The following NHSL2 variants were observed in gnomAD, a reference collection of about 807,000 sequenced individuals.
NHSL2 encodes the protein NHS-like protein 2.
A neutral mutation model predicts 53.4 loss-of-function variants in NHSL2; 27 were observed. The observed-to-expected ratio is 0.51, with a 90% CI of 0.37 to 0.70. NHSL2 has a LOEUF of 0.70. Among genes scored for constraint, NHSL2 ranks in the 30% least tolerant of loss-of-function variants. The pLI is 0.00. For synonymous variants in NHSL2, 408 were observed against 404.1 expected (o/e 1.01, Z -0.12); for missense variants, 892 against 980.1 (o/e 0.91, Z 1.20).
rs1166829375 is a variant in NHSL2 at position 72,150,344 on chromosome X, T to C, written c.*6770T>C. The C allele has an allele frequency of 8.9e-6, 1 of 112,553 alleles. No individual in the cohort carries two copies. The highest frequency in any genetic ancestry group is 3.2e-5 in the African/African-American group (1 of 31,006). The allele number at this position is 112,553 out of a possible 1,213,427, so 9.3% of individuals were successfully genotyped here. A position where few individuals can be genotyped will look rare whatever the true frequency, so the allele number is the denominator to read the frequency against. ...TCTTGTCATTGTCCCATAATGTCTC[T>C]ACTTTTTTTAGTGCAAACTTTTGTA... is the stretch of plus-strand genomic sequence containing the variant. On this transcript the variant is annotated 3_prime_UTR_variant, in exon 8 of 8. Coordinates refer to ENST00000633930, the MANE Select transcript of NHSL2 (RefSeq NM_001013627.3).
chrX:71,998,286 A>G (rs1446769356), intron 1 of NHSL2, among the ~76,000 whole-genome samples: 4 of 112,492 alleles, frequency 3.6e-5, no homozygotes, highest in Non-Finnish European at 7.5e-5. Flanking sequence ...GTAAAGATCT[A>G]AAAAGCACTT....
At chrX:71,969,195 T>C (rs1294479948) in intron 1 of NHSL2, among the ~76,000 whole-genome samples, 1 of 111,965 alleles carries the variant, frequency 8.9e-6, no homozygotes, top group Non-Finnish European at 1.9e-5. Flanking sequence ...TCTTTTAAGA[T>C]TTTTTCAACC....
At chrX:72,103,002 C>T (rs1447850600) in intron 1 of NHSL2, among the ~76,000 whole-genome samples, 2 of 112,437 alleles carry the variant, frequency 1.8e-5, no homozygotes, top group Non-Finnish European at 3.8e-5. Context: ...GCTCCAGTAG[C>T]AAAGCAGAGG....
At chrX:71,943,739 T>G in intron 1 of NHSL2, among the ~76,000 whole-genome samples, 1 of 112,703 alleles carries the variant, frequency 8.9e-6, no homozygotes. Context: ...GCAAGGCATA[T>G]GGGAGGTATA....
At chrX:72,040,124 A>G (rs1463924145) in intron 1 of NHSL2, among the ~76,000 whole-genome samples, 1 of 111,799 alleles carries the variant, frequency 8.9e-6, no homozygotes, top group Non-Finnish European at 1.9e-5. Context: ...CGAGGAATTG[A>G]GTTTATCTCT....
Position 72,139,083 on chromosome X carries a change from A to G in NHSL2, c.1535A>G (p.Tyr512Cys). 8.5e-7 allele frequency: 1 copy of G among 1,169,996 alleles called. No individual in the cohort carries two copies. Residue 512 changes from tyrosine (Y) to cysteine (C), a missense_variant, in exon 6 of 8, where the codon TAT (tyrosine) becomes TGT (cysteine). Transcript: ENST00000633930. Reference protein sequence around the residue: ...PTDSGTTDVDYDEEQKANEAC... With the variant: ...PTDSGTTDVDCDEEQKANEAC... Reference sequence around the variant, plus strand: ...GACTCAGGCACCACAGATGTGGACTATGATGAGGAGCAGAAGGCCAATGAG... The same window carrying G: ...GACTCAGGCACCACAGATGTGGACTGTGATGAGGAGCAGAAGGCCAATGAG...
intron 1 of NHSL2, among the ~76,000 whole-genome samples, chrX:72,124,268 C>T (rs956053185): frequency 1.8e-5 from 2 of 110,825 alleles, no homozygotes; most frequent in East Asian, 2.8e-4. Context: ...CCTGGTTTCT[C>T]GGGGGCAGAA....
intron 1 of NHSL2, among the ~76,000 whole-genome samples, chrX:72,048,067 G>C (rs2042314727): frequency 3.2e-5 from 1 of 31,377 alleles, no homozygotes; most frequent in Non-Finnish European, 8.4e-5. Flanking sequence ...TCACACTCAT[G>C]ATGATAACAA....
chrX:72,019,006 T>G (rs1425416894), intron 1 of NHSL2, among the ~76,000 whole-genome samples: 1 of 112,667 alleles, frequency 8.9e-6, no homozygotes, highest in East Asian at 2.8e-4. Context: ...CCAGTCTTGA[T>G]CGCCCCAAGC....
At chrX:72,058,662 G>A (rs977236455) in intron 1 of NHSL2, among the ~76,000 whole-genome samples, 3 of 112,361 alleles carry the variant, frequency 2.7e-5, no homozygotes, top group East Asian at 5.6e-4. Context: ...GTTCTTAAAG[G>A]CTTTCTCTGC....
intron 1 of NHSL2, chrX:72,131,561 T>G (rs754503124): frequency 1.7e-6 from 2 of 1,143,233 alleles, no homozygotes; most frequent in South Asian, 4.2e-5. Context: ...CCAGGGGCCC[T>G]GGGGCTCCGT....
chrX:72,000,746 C>T (rs1602303340), intron 1 of NHSL2, among the ~76,000 whole-genome samples: 1 of 111,978 alleles, frequency 8.9e-6, no homozygotes, highest in Non-Finnish European at 1.9e-5. Context: ...TCCAGCCTCC[C>T]GCTTTCACTT....
chrX:71,999,418 G>A (rs1012051302), intron 1 of NHSL2, among the ~76,000 whole-genome samples: 1 of 112,426 alleles, frequency 8.9e-6, no homozygotes. Flanking sequence ...AGTGGTTTGC[G>A]AGAATCAATT....
At chrX:72,069,816 A>G (rs1256116401) in intron 1 of NHSL2, 2 of 646,946 alleles carry the variant, frequency 3.1e-6, no homozygotes, top group African/African-American at 2.3e-5. Flanking sequence ...AGCTGCTGCC[A>G]TGCGGGGCCC....
intron 1 of NHSL2, among the ~76,000 whole-genome samples, chrX:71,943,237 C>T (rs181394897): frequency 8.9e-6 from 1 of 111,866 alleles, no homozygotes. Context: ...CAGGCGCACG[C>T]CACCATGCCC....
At chrX:72,057,169 C>G (rs1158321158) in intron 1 of NHSL2, among the ~76,000 whole-genome samples, 1 of 112,287 alleles carries the variant, frequency 8.9e-6, no homozygotes. Flanking sequence ...TTTCTGCCTC[C>G]CATTCATTCT....
chrX:71,969,306 C>CT (rs775716586), intron 1 of NHSL2, among the ~76,000 whole-genome samples: 2,014 of 80,636 alleles, frequency 0.025, 43 homozygotes, highest in East Asian at 0.15. Flanking sequence ...TTCTTTTTTT[C>CT]TTTTTTTTTT....
At position 71,911,159 on chromosome X, in the gene NHSL2, G is replaced by C. The variant is rs1166689339; in HGVS notation, c.72G>C (p.Glu24Asp). Reference sequence around the variant, plus strand: ...GCAACCCGCCGCAGCAGCTGGCGGAGCTCCGCGACGTGAGCCACCTGGCAG... The same window carrying C: ...GCAACCCGCCGCAGCAGCTGGCGGACCTCCGCGACGTGAGCCACCTGGCAG... ...CPRNPPQQLA[E>D]LRDVSHLAAL... The change falls in exon 1 of 8, where the codon GAG becomes GAC. Residue 24 changes from glutamate to aspartate, a missense_variant. Physicochemically the swap from Glu to Asp is conservative, Grantham distance 45 (BLOSUM62 2). Coordinates refer to ENST00000633930, the MANE Select transcript of NHSL2 (RefSeq NM_001013627.3). 6.2e-6 allele frequency: 7 copies of C among 1,128,160 alleles called. No homozygotes were observed. In the South Asian group the frequency reaches 1.2e-4, roughly 19 times the overall value. 93.0% of individuals were successfully genotyped at this position (1,128,160 alleles called of 1,213,427 possible). A position where few individuals can be genotyped will look rare whatever the true frequency, so the allele number is the denominator to read the frequency against.
At chrX:72,129,781 G>A (rs762563222) in intron 1 of NHSL2, 18 of 1,111,439 alleles carry the variant, frequency 1.6e-5, no homozygotes, top group East Asian at 3.0e-5. Flanking sequence ...TAGCAGGGGC[G>A]GGGGATGCAA....
Sources: gnomAD v4.1 joint callset for allele counts (sites outside exome capture counted in the v4.1 genomes callset) on GRCh38, gnomAD v4.1.1 for gene constraint, MANE v1.5 for transcripts, NCBI Gene and HGNC (gene_info 2026-07-23, HGNC 2026-07-21) for gene names.